Variants in PLXDC2 observed in about 807,000 individuals in gnomAD.
PLXDC2 encodes plexin domain-containing protein 2.
A neutral mutation model predicts 68.9 loss-of-function variants in PLXDC2; 40 were observed. That is an observed-to-expected ratio of 0.58 (90% CI 0.45 to 0.76). The LOEUF (loss-of-function observed/expected upper bound fraction) is 0.76, where lower values mean the gene tolerates loss of function less well. Ranked by LOEUF, PLXDC2 falls within the 30% of genes least tolerant of loss-of-function variation. PLXDC2 has a pLI of 0.00. For missense variants in PLXDC2, 644 were observed against 661.9 expected, an observed-to-expected ratio of 0.97 and a Z score of 0.30; for synonymous variants, 243 against 234.2, an observed-to-expected ratio of 1.04 and a Z score of -0.34.
At chr10:20,058,630 T>C (rs1272525869) in intron 3 of PLXDC2, among the ~76,000 whole-genome samples, 2 of 152,222 alleles carry the variant, frequency 1.3e-5, no homozygotes, top group Admixed American at 1.3e-4. Context: ...AGGGAGTTTG[T>C]TCTCTGAAAG....
intron 1 of PLXDC2, among the ~76,000 whole-genome samples, chr10:19,867,318 G>A (rs1191941500): frequency 6.6e-6 from 1 of 152,032 alleles, no homozygotes; most frequent in Admixed American, 6.6e-5. Context: ...ACCAGCCTCA[G>A]CCTCCCAAAG....
At chr10:20,058,838 G>A (rs1162755240) in intron 3 of PLXDC2, among the ~76,000 whole-genome samples, 1 of 152,146 alleles carries the variant, frequency 6.6e-6, no homozygotes, top group African/African-American at 2.4e-5. Context: ...TCTGTCAATG[G>A]AAAATTTTAG....
chr10:20,251,873 T>C (rs1007534017), intron 13 of PLXDC2, among the ~76,000 whole-genome samples: 8 of 151,778 alleles, frequency 5.3e-5, no homozygotes, highest in African/African-American at 1.9e-4. Context: ...TGAAGAGAAA[T>C]TGATAAGAAC....
rs147625517 is a variant in PLXDC2 at position 20,134,027 on chromosome 10, T to A, written c.542-9268T>A. ...ATGGAATTTTTCAGTTCAGTTAATGTTTTCTTCAGTTCCAGAATTTCTGTT... is the reference window on the plus strand; with the variant it reads ...ATGGAATTTTTCAGTTCAGTTAATGATTTCTTCAGTTCCAGAATTTCTGTT... On this transcript the variant is annotated intron_variant, in intron 4 of 13. Transcript: ENST00000377252. Among the ~76,000 whole-genome samples, 697 of 152,330 alleles carry A rather than the reference T, an allele frequency of 4.6e-3. 11 individuals are homozygous for A. Among genetic ancestry groups the A allele is most frequent in the African/African-American group, 0.016 (670 of 41,586 alleles).
intron 1 of PLXDC2, among the ~76,000 whole-genome samples, chr10:19,919,648 C>T (rs1833426540): frequency 1.3e-5 from 2 of 152,164 alleles, no homozygotes; most frequent in Admixed American, 1.3e-4. Context: ...AATACATTTT[C>T]TTTTTGATAT....
chr10:19,972,805 A>T (rs193104092), intron 1 of PLXDC2, among the ~76,000 whole-genome samples: 35 of 152,334 alleles, frequency 2.3e-4, no homozygotes, highest in African/African-American at 8.2e-4. Context: ...GTGGTACTTA[A>T]TTGACCAGTT....
chr10:20,146,906 T>G (rs1036443194), intron 5 of PLXDC2, among the ~76,000 whole-genome samples: 2 of 152,120 alleles, frequency 1.3e-5, no homozygotes, highest in Non-Finnish European at 2.9e-5. Context: ...AGTTCTATGA[T>G]TTTCATTTTC....
chr10:19,888,426 G>A (rs1239425043), intron 1 of PLXDC2, among the ~76,000 whole-genome samples: 1 of 152,174 alleles, frequency 6.6e-6, no homozygotes, highest in Non-Finnish European at 1.5e-5. Context: ...ATTACCAAGA[G>A]CGGGGTGCAG....
intron 4 of PLXDC2, among the ~76,000 whole-genome samples, chr10:20,081,691 C>G (rs1161462239): frequency 2.0e-5 from 3 of 152,040 alleles, no homozygotes; most frequent in African/African-American, 4.8e-5. Flanking sequence ...AAAACTACAC[C>G]TCTCTGCAAA....
At chr10:20,239,743 A>C (rs1412562) in intron 12 of PLXDC2, among the ~76,000 whole-genome samples, 81,093 of 151,966 alleles carry the variant, frequency 0.53, 22,108 homozygotes, top group Middle Eastern at 0.68. Flanking sequence ...ACATACTTCT[A>C]TCTGCCAATA....
At chr10:19,837,811 C>T (rs1836828169) in intron 1 of PLXDC2, among the ~76,000 whole-genome samples, 1 of 152,134 alleles carries the variant, frequency 6.6e-6, no homozygotes, top group African/African-American at 2.4e-5. Context: ...CATGCTTCCA[C>T]ATAAATCAGC....
chr10:20,232,510 G>A (rs1835378374), intron 12 of PLXDC2, among the ~76,000 whole-genome samples: 1 of 152,070 alleles, frequency 6.6e-6, no homozygotes, highest in Non-Finnish European at 1.5e-5. Context: ...TAAACAAATT[G>A]AGTGCATGTT....
intron 1 of PLXDC2, among the ~76,000 whole-genome samples, chr10:19,959,458 CA>C (rs1257159314): frequency 6.6e-6 from 1 of 152,158 alleles, no homozygotes; most frequent in Non-Finnish European, 1.5e-5. Context: ...GTCTTTGTAG[CA>C]GTGAGTTTAT....
intron 1 of PLXDC2, among the ~76,000 whole-genome samples, chr10:19,939,530 A>C (rs1301242749): frequency 6.6e-6 from 1 of 152,222 alleles, no homozygotes; most frequent in African/African-American, 2.4e-5. Context: ...TAGCAGCTCT[A>C]GGATTTATCT....
chr10:20,160,123 A>G (rs1834271359), intron 6 of PLXDC2, among the ~76,000 whole-genome samples: 1 of 152,182 alleles, frequency 6.6e-6, no homozygotes, highest in African/African-American at 2.4e-5. Flanking sequence ...TATTCAATTA[A>G]TATCTGATGA....
At chr10:19,901,721 T>C (rs942464661) in intron 1 of PLXDC2, among the ~76,000 whole-genome samples, 1 of 152,186 alleles carries the variant, frequency 6.6e-6, no homozygotes, top group Admixed American at 6.5e-5. Flanking sequence ...TTGCATTTGC[T>C]TTTGAGTTCT....
intron 2 of PLXDC2, among the ~76,000 whole-genome samples, chr10:20,003,055 G>A (rs1834969279): frequency 6.6e-6 from 1 of 152,178 alleles, no homozygotes. Context: ...GCTAAGTACA[G>A]ACATTTGCAG....
rs182264917 is a variant in PLXDC2 at position 20,287,216 on chromosome 10, T to C, written c.*7397T>C. The C allele has an allele frequency of 3.9e-5, 6 of 152,356 alleles. No homozygotes were observed. In the South Asian group the frequency reaches 8.3e-4, roughly 21 times the overall value. The allele number at this position is 152,356 out of a possible 1,614,324, so 9.4% of individuals were successfully genotyped here. ...GCCATCACCCCCCATACCTCTTCTA[T>C]GGCATTCATCCTAACATCATGGAGG... On this transcript the variant is annotated 3_prime_UTR_variant, in exon 14 of 14. Transcript: ENST00000377252.
chr10:20,224,664 G>T (rs1588528229), intron 12 of PLXDC2, among the ~76,000 whole-genome samples: 4 of 152,144 alleles, frequency 2.6e-5, no homozygotes, highest in African/African-American at 9.7e-5. Flanking sequence ...ATTGAATTGT[G>T]CCACTCTGCT....
Sources: allele counts gnomAD v4.1 joint callset (sites outside exome capture counted in the v4.1 genomes callset), GRCh38; gene constraint gnomAD v4.1.1; transcripts MANE v1.5; gene names NCBI Gene and HGNC (gene_info 2026-07-23, HGNC 2026-07-21).